Variants in TBC1D1 observed in about 807,000 individuals in gnomAD.
TBC1D1 encodes TBC1 (tre-2/USP6, BUB2, cdc16) domain family, member 1.
TBC1D1 carries 89 observed loss-of-function variants against 125.6 expected under a neutral mutation model. The observed-to-expected ratio is 0.71, with a 90% confidence interval of 0.60 to 0.85. TBC1D1 has a LOEUF of 0.85. TBC1D1 is among the 40% of genes least tolerant of loss of function. The pLI is 0.00. For missense variants in TBC1D1, 1,377 were observed against 1,469.2 expected (o/e 0.94, Z 1.03); for synonymous variants, 565 against 564.1 (o/e 1.00, Z -0.02).
At chr4:38,067,223 TATATAATTCTGAA>T (rs759559743) in intron 12 of TBC1D1, among the ~76,000 whole-genome samples, 1 of 152,238 alleles carries the variant, frequency 6.6e-6, no homozygotes, top group Non-Finnish European at 1.5e-5. Flanking sequence ...ATTATGGTCT[TATATAATTCTGAA>T]AATGATTTCT....
At chr4:37,909,123 T>C (rs756651221) in intron 2 of TBC1D1, among the ~76,000 whole-genome samples, 15 of 152,140 alleles carry the variant, frequency 9.9e-5, no homozygotes, top group Non-Finnish European at 4.4e-5. Context: ...AAGGAACCAG[T>C]GTATTCTTGC....
chr4:38,003,540 A>G (rs764981969), intron 2 of TBC1D1, among the ~76,000 whole-genome samples: 7 of 152,190 alleles, frequency 4.6e-5, no homozygotes, highest in Non-Finnish European at 1.0e-4. Flanking sequence ...TGAAAGGTAG[A>G]TGGAAGCTTG....
chr4:37,950,550 A>G (rs1727614264), intron 2 of TBC1D1, among the ~76,000 whole-genome samples: 2 of 148,730 alleles, frequency 1.3e-5, no homozygotes, highest in South Asian at 4.2e-4. Context: ...AAGAGGCTAC[A>G]GATATAGCCA....
At chr4:37,993,472 T>A (rs148750578) in intron 2 of TBC1D1, among the ~76,000 whole-genome samples, 114 of 152,236 alleles carry the variant, frequency 7.5e-4, no homozygotes, top group African/African-American at 2.4e-3. Flanking sequence ...GTAGATGGAG[T>A]TCTTGTTCCT....
intron 10 of TBC1D1, among the ~76,000 whole-genome samples, chr4:38,048,897 TG>T (rs758032897): frequency 2.0e-5 from 3 of 152,230 alleles, no homozygotes; most frequent in Non-Finnish European, 4.4e-5. Context: ...AACAAATGTT[TG>T]AGCACTCACT....
chr4:38,130,058 A>G (rs1009918354), intron 18 of TBC1D1, among the ~76,000 whole-genome samples: 3 of 152,254 alleles, frequency 2.0e-5, no homozygotes, highest in African/African-American at 7.2e-5. Flanking sequence ...CCATATGTAT[A>G]AGGTTATTCT....
At chr4:37,914,191 C>T (rs896763162) in intron 2 of TBC1D1, among the ~76,000 whole-genome samples, 3 of 152,192 alleles carry the variant, frequency 2.0e-5, no homozygotes, top group Non-Finnish European at 4.4e-5. Flanking sequence ...TGGTAACTCT[C>T]AGTTGTTAAT....
At chr4:38,064,626 CTTTT>C (rs71190945) in intron 12 of TBC1D1, among the ~76,000 whole-genome samples, 2 of 138,270 alleles carry the variant, frequency 1.4e-5, no homozygotes, top group Non-Finnish European at 3.1e-5. Flanking sequence ...AGCTACATTT[CTTTT>C]TTTTTTTTTT....
At chr4:38,124,876 C>A in intron 17 of TBC1D1, 86 bp from the exon 20 acceptor site, 2 of 1,170,166 alleles carry the variant, frequency 1.7e-6, no homozygotes, top group Non-Finnish European at 2.5e-6. Flanking sequence ...CACACTCCTG[C>A]TCTGTGATGT....
chr4:37,942,790 T>G (rs1326451007), intron 2 of TBC1D1, among the ~76,000 whole-genome samples: 2 of 152,194 alleles, frequency 1.3e-5, no homozygotes, highest in Admixed American at 1.3e-4. Context: ...TCCACCCATC[T>G]TGCACTCCCA....
rs1375804919 is a variant in TBC1D1 at position 38,138,958 on chromosome 4, T to C, written c.*1623T>C. ...GGTCAGAGGATAGCGGTTTCCATCA[T>C]AAACCAAGATGATGAGTTCAGCCTT... On this transcript the variant is annotated 3_prime_UTR_variant, in exon 20 of 20. Transcript: ENST00000261439. The C allele has an allele frequency of 6.6e-6, 1 of 152,644 alleles. No individual in the cohort carries two copies. Among genetic ancestry groups the C allele is most frequent in the Non-Finnish European group, 1.5e-5 (1 of 68,030 alleles). The allele number at this position is 152,644 out of a possible 1,614,324, so 9.5% of individuals were successfully genotyped here.
chr4:37,965,355 T>G (rs1730863482), intron 2 of TBC1D1, among the ~76,000 whole-genome samples: 1 of 152,222 alleles, frequency 6.6e-6, no homozygotes, highest in African/African-American at 2.4e-5. Flanking sequence ...TTTAGCAGTG[T>G]CTGGCAGATA....
rs1290525848 is a variant in TBC1D1, at chr4:38,125,009, A to C, written c.3010A>C (p.Ser1004Arg). 4 of 1,614,008 alleles carry C rather than the reference A, an allele frequency of 2.5e-6. No individual in the cohort carries two copies. The East Asian group carries it at 8.9e-5, about 36-fold the overall frequency. ...AGAGGTCATATTTAAAGTGGCTTTA[A>C]GTCTGTTGGGAAGCCATAAGCCCTT... The change falls in exon 18 of 20, where the codon AGT becomes CGT. Residue 1004 changes from serine to arginine, a missense_variant. Transcript: ENST00000261439.
At chr4:37,922,685 AT>A (rs1721261466) in intron 2 of TBC1D1, among the ~76,000 whole-genome samples, 1 of 152,324 alleles carries the variant, frequency 6.6e-6, no homozygotes, top group East Asian at 1.9e-4. Context: ...GCTACAGAAT[AT>A]TCCTCCTTTT....
chr4:37,988,065 A>T (rs1287650514), intron 2 of TBC1D1, among the ~76,000 whole-genome samples: 1 of 152,232 alleles, frequency 6.6e-6, no homozygotes, highest in South Asian at 2.1e-4. Flanking sequence ...GATCAATGCC[A>T]GGTGCCCATC....
intron 2 of TBC1D1, among the ~76,000 whole-genome samples, chr4:38,008,923 A>C (rs1740903502): frequency 1.3e-5 from 2 of 152,230 alleles, no homozygotes; most frequent in African/African-American, 4.8e-5. Context: ...GGCATATTCA[A>C]ATCTTCATGA....
At chr4:38,027,755 A>AT (rs1745345224) in intron 6 of TBC1D1, 33 bp from the exon 7 acceptor site, 1 of 1,520,236 alleles carries the variant, frequency 6.6e-7, no homozygotes, top group Non-Finnish European at 9.1e-7. Flanking sequence ...TTTATATAGA[A>AT]TTTTTTCATG....
At chr4:38,131,362 C>A (rs2152633673) in intron 18 of TBC1D1, among the ~76,000 whole-genome samples, 1 of 152,324 alleles carries the variant, frequency 6.6e-6, no homozygotes, top group Admixed American at 6.5e-5. Flanking sequence ...GAGTGCCAAA[C>A]AATCTCAGTT....
chr4:38,015,250 A>G (rs983545225), intron 3 of TBC1D1, among the ~76,000 whole-genome samples: 1 of 152,198 alleles, frequency 6.6e-6, no homozygotes, highest in Non-Finnish European at 1.5e-5. Context: ...AAAACGTGTA[A>G]ATGAGACCAG....
Sources: gnomAD v4.1 joint callset for allele counts (sites outside exome capture counted in the v4.1 genomes callset) on GRCh38, gnomAD v4.1.1 for gene constraint, MANE v1.5 for transcripts, NCBI Gene and HGNC (gene_info 2026-07-23, HGNC 2026-07-21) for gene names.